The following LHX2 variants were observed in gnomAD, a reference collection of about 807,000 sequenced individuals.
The protein encoded by LHX2 is LIM homeobox 2.
LHX2 carries 6 observed loss-of-function variants against 33.0 expected under a neutral mutation model. The ratio of observed to expected loss-of-function variants is 0.18; its 90% CI spans 0.10 to 0.36. The LOEUF is 0.36. LHX2 is among the 10% of genes least tolerant of loss of function. The pLI, the probability that LHX2 is intolerant of heterozygous loss-of-function variation, is 1.00. For synonymous variants in LHX2, 292 were observed against 253.1 expected (o/e 1.15, Z -1.46); for missense variants, 442 against 586.2 (o/e 0.75, Z 2.54).
rs370020535 is a variant in LHX2, at chr9:124,029,824, G to A, written c.934-2596G>A. Among the ~76,000 whole-genome samples the A allele has an allele frequency of 1.4e-3, 213 of 152,314 alleles. 1 individual carries two copies. Among genetic ancestry groups the A allele is most frequent in the Non-Finnish European group, 2.3e-3 (159 of 68,028 alleles). Reference sequence around the variant, plus strand: ...GGCAAGGCAGCGGCACCAAGGCTCCGGCCTTCTCCACCCCAATCTGCATGA... The same window carrying A: ...GGCAAGGCAGCGGCACCAAGGCTCCAGCCTTCTCCACCCCAATCTGCATGA... On this transcript the variant is annotated intron_variant, in intron 4 of 4. Transcript: ENST00000373615.
At chr9:124,017,954 G>A (rs1244227292) in intron 3 of LHX2, among the ~76,000 whole-genome samples, 3 of 151,870 alleles carry the variant, frequency 2.0e-5, no homozygotes, top group South Asian at 2.1e-4. Context: ...AGGGGCCCGG[G>A]CCGCGCACTT....
chr9:124,020,320 C>T (rs568370885), intron 3 of LHX2, among the ~76,000 whole-genome samples: 1 of 152,090 alleles, frequency 6.6e-6, no homozygotes, highest in Non-Finnish European at 1.5e-5. Flanking sequence ...TGTGGACTGC[C>T]GCAGATCTCT....
chr9:124,015,532 G>T lies in LHX2; in HGVS notation c.727+7G>T, dbSNP rs1859173800. The T allele has an allele frequency of 3.4e-6, 5 of 1,455,506 alleles. No homozygotes were observed. The highest frequency in any genetic ancestry group is 3.6e-6 in the Non-Finnish European group (4 of 1,103,138). 90.2% of individuals were successfully genotyped at this position (1,455,506 alleles called of 1,614,324 possible). On this transcript the variant is annotated splice_region_variant and intron_variant, in intron 3 of 4. Transcript: ENST00000373615. The surrounding 1 kb of genome is among the most constrained non-coding windows in gnomAD (Gnocchi z 7.9). ...CTGGCGGCCTACAACGCTGGTGAGT[G>T]CGCGGCGCACGAAGCGCCCCCATAG...
In LHX2 at chr9:124,015,413, G is replaced by T. The variant is rs373482464; in HGVS notation, c.615G>T (p.Gly205=). 1.9e-6 allele frequency: 3 copies of T among 1,603,784 alleles called. No homozygotes were observed. The African/African-American group carries it at 4.0e-5, about 22-fold the overall frequency. ...AAKSAGLGAA[G]ANPLGLPYYN... ...AGAGCGCGGGGCTGGGCGCAGCAGG[G>T]GCCAACCCTCTGGGTCTTCCCTACT... Residue 205 remains glycine (G), a synonymous_variant, in exon 3 of 5, where the codon GGG becomes GGT. Coordinates refer to ENST00000373615, the MANE Select transcript of LHX2 (RefSeq NM_004789.4). This position sits in a 1 kb window ranked among gnomAD's most constrained non-coding sequence, Gnocchi z 7.9.
chr9:124,022,117 A>G (rs1335568631), intron 4 of LHX2, among the ~76,000 whole-genome samples: 1 of 152,182 alleles, frequency 6.6e-6, no homozygotes, highest in Non-Finnish European at 1.5e-5. Context: ...CATGACCCAA[A>G]GTTGTGGCAG....
Position 124,015,299 on chromosome 9 carries a change from G to A in LHX2, c.501G>A (p.Leu167=). 1.2e-6 allele frequency: 2 copies of A among 1,614,074 alleles called. No homozygotes were observed. Among genetic ancestry groups the A allele is most frequent in the South Asian group, 1.1e-5 (1 of 91,090 alleles). Residue 167 remains leucine (L), a synonymous_variant, in exon 3 of 5, where the codon TTG becomes TTA. Coordinates refer to ENST00000373615, the MANE Select transcript of LHX2 (RefSeq NM_004789.4). This position sits in a 1 kb window ranked among gnomAD's most constrained non-coding sequence, Gnocchi z 7.9. ...GMKDSLVYCR[L]HFEALLQGEY... ...AGGACAGCCTGGTCTACTGCCGCTT[G>A]CACTTCGAGGCGCTGCTGCAGGGCG...
Position 124,021,557 on chromosome 9 carries a change from C to T in LHX2, c.933+253C>T, listed in dbSNP as rs10283414. ...TTCTGTTTGCGTATCGCTCCATCCT[C>T]ATTGTCTCCACACTCGGTCTCTTTT... is the stretch of plus-strand genomic sequence containing the variant. On this transcript the variant is annotated intron_variant, in intron 4 of 4. Coordinates refer to ENST00000373615, the MANE Select transcript of LHX2 (RefSeq NM_004789.4). 5.6e-3 allele frequency among the ~76,000 whole-genome samples: 854 copies of T among 152,326 alleles called. 9 individuals carry two copies. The highest frequency in any genetic ancestry group is 0.019 in the African/African-American group (808 of 41,568).
intron 1 of LHX2, among the ~76,000 whole-genome samples, chr9:124,013,173 G>A (rs574685068): frequency 6.6e-6 from 1 of 152,350 alleles, no homozygotes; most frequent in African/African-American, 2.4e-5. Context: ...CCGACCAGCG[G>A]GCCCAGAAGT....
At chr9:124,024,761 C>T (rs1255862643) in intron 4 of LHX2, among the ~76,000 whole-genome samples, 3 of 152,212 alleles carry the variant, frequency 2.0e-5, no homozygotes, top group African/African-American at 7.2e-5. Context: ...ATGTGATTAT[C>T]TTCATTTTGC....
intron 3 of LHX2, among the ~76,000 whole-genome samples, chr9:124,019,658 A>G (rs767727269): frequency 6.6e-5 from 10 of 152,200 alleles, no homozygotes; most frequent in Non-Finnish European, 1.3e-4. Context: ...ATACTAAAAA[A>G]TTACTTATTA....
rs1024286331 is a variant in LHX2 at position 124,015,608 on chromosome 9, T to C, written c.727+83T>C. 1.1e-4 allele frequency: 156 copies of C among 1,381,366 alleles called. No homozygotes were observed. Among genetic ancestry groups the C allele is most frequent in the Non-Finnish European group, 1.4e-4 (147 of 1,043,014 alleles). The allele number at this position is 1,381,366 out of a possible 1,614,324, so 85.6% of individuals were successfully genotyped here. A position where few individuals can be genotyped will look rare whatever the true frequency, so the allele number is the denominator to read the frequency against. On this transcript the variant is annotated intron_variant, in intron 3 of 4. Coordinates refer to ENST00000373615, the MANE Select transcript of LHX2 (RefSeq NM_004789.4). This position sits in a 1 kb window ranked among gnomAD's most constrained non-coding sequence, Gnocchi z 7.9. The stretch of plus-strand genomic sequence containing the variant: ...ACGGCCGGGAGCTGGATTGAATCTC[T>C]GTGTGCTGGGCAAATAGCGAGCCTT...
chr9:124,032,101 G>A lies in LHX2; in HGVS notation c.934-319G>A, dbSNP rs1305850280. ...AATAACTTAAAAAGTTAGCGGGGCC[G>A]GTGGTGCTCACCTATCTATAGCCCC... is the stretch of plus-strand genomic sequence containing the variant. On this transcript the variant is annotated intron_variant, in intron 4 of 4. Transcript: ENST00000373615. This position sits in a 1 kb window ranked among gnomAD's most constrained non-coding sequence, Gnocchi z 4.1. 1.1e-5 allele frequency: 3 copies of A among 277,210 alleles called. No individual in the cohort carries two copies. The highest frequency in any genetic ancestry group is 6.9e-5 in the East Asian group (1 of 14,582). The allele number at this position is 277,210 out of a possible 1,614,324, so 17.2% of individuals were successfully genotyped here. A position where few individuals can be genotyped will look rare whatever the true frequency, so the allele number is the denominator to read the frequency against.
intron 4 of LHX2, among the ~76,000 whole-genome samples, chr9:124,027,199 A>G (rs1377314167): frequency 6.6e-6 from 1 of 152,218 alleles, no homozygotes; most frequent in African/African-American, 2.4e-5. Context: ...AACTTCTTTA[A>G]AAGTTTACAA....
chr9:124,012,406 C>G lies in LHX2; in HGVS notation c.58C>G (p.Arg20Gly). Residue 20 changes from arginine to glycine, a missense_variant, in exon 1 of 5, where the codon CGC (arginine) becomes GGC (glycine). Around this residue, in one of 5 missense-constraint regions of LHX2, gnomAD observed 97 missense variants for 81.5 expected, o/e 1.19. Transcript: ENST00000373615. This position sits in a 1 kb window ranked among gnomAD's most constrained non-coding sequence, Gnocchi z 4.3. The stretch of plus-strand genomic sequence containing the variant: ...GCACGGGGTCATCGACGAGATGGAC[C>G]GCAGGGCCAAGAGCGAGGCTCCCGC... ...EVHGVIDEMD[R>G]RAKSEAPAIS... 1.3e-6 allele frequency: 2 copies of G among 1,535,524 alleles called. No individual in the cohort carries two copies. The highest frequency in any genetic ancestry group is 2.4e-5 in the South Asian group (2 of 83,210).
chr9:124,025,914 G>T (rs1332507127), intron 4 of LHX2, among the ~76,000 whole-genome samples: 5 of 152,122 alleles, frequency 3.3e-5, no homozygotes, highest in African/African-American at 1.2e-4. Context: ...GAACCCAGGA[G>T]GTGGAGGTTG....
Position 124,032,507 on chromosome 9 carries a change from C to T in LHX2, c.1021C>T (p.Leu341=), listed in dbSNP as rs1046873634. 2 of 1,613,454 alleles carry T rather than the reference C, an allele frequency of 1.2e-6. No individual in the cohort carries two copies. The highest frequency in any genetic ancestry group is 1.7e-6 in the Non-Finnish European group (2 of 1,179,994). The part of the protein sequence containing the change: ...TGVDKSTDAA[L]QTGTPSGPAS... The stretch of plus-strand genomic sequence containing the variant: ...CGTGGACAAGTCGACAGACGCGGCG[C>T]TGCAGACAGGGACGCCATCGGGCCC... The change falls in exon 5 of 5, where the codon CTG becomes TTG. Residue 341 remains leucine (L), a synonymous_variant. Coordinates refer to ENST00000373615, the MANE Select transcript of LHX2 (RefSeq NM_004789.4). The surrounding 1 kb of genome is among the most constrained non-coding windows in gnomAD (Gnocchi z 4.1).
rs1305726645 is a variant in LHX2 at position 124,033,099 on chromosome 9, A to G, written c.*392A>G. ...TTTTTCTCTGTATATTTATGACCAG[A>G]GCAAAAATGTAAAAAACAAAAAAAA... On this transcript the variant is annotated 3_prime_UTR_variant, in exon 5 of 5. Coordinates refer to ENST00000373615, the MANE Select transcript of LHX2 (RefSeq NM_004789.4). 6.2e-6 allele frequency: 1 copy of G among 161,812 alleles called. No homozygotes were observed. Among genetic ancestry groups the G allele is most frequent in the Non-Finnish European group, 1.3e-5 (1 of 75,082 alleles). The allele number at this position is 161,812 out of a possible 1,614,324, so 10.0% of individuals were successfully genotyped here. A position where few individuals can be genotyped will look rare whatever the true frequency, so the allele number is the denominator to read the frequency against.
chr9:124,021,007 T>C, intron 3 of LHX2, 92 bp from the exon 4 acceptor site: 1 of 1,129,112 alleles, frequency 8.9e-7, no homozygotes, highest in South Asian at 1.3e-5. Context: ...GGGTTAAGGA[T>C]TGAAATGTTT....
intron 3 of LHX2, among the ~76,000 whole-genome samples, chr9:124,017,842 G>A (rs577401704): frequency 6.6e-6 from 1 of 152,138 alleles, no homozygotes; most frequent in Non-Finnish European, 1.5e-5. Flanking sequence ...GCCTCTTCCC[G>A]CAGCCCCTCG....
Sources: allele counts gnomAD v4.1 joint callset (sites outside exome capture counted in the v4.1 genomes callset), GRCh38; gene constraint gnomAD v4.1.1; regional missense constraint gnomAD v4.1.1; non-coding constraint Gnocchi (gnomAD v3.1); transcripts MANE v1.5; gene names NCBI Gene and HGNC (gene_info 2026-07-23, HGNC 2026-07-21).